The following TDRD9 variants were observed in gnomAD, a reference collection of about 807,000 sequenced individuals.
The protein encoded by TDRD9 is ATP-dependent RNA helicase TDRD9.
In TDRD9, 124 loss-of-function variants were observed where a neutral mutation model predicts 172.6. The observed-to-expected ratio is 0.72, with a 90% confidence interval of 0.62 to 0.83. TDRD9 has a LOEUF of 0.83. TDRD9 is among the 40% of genes least tolerant of loss of function. The probability of loss-of-function intolerance (pLI) is 0.00; values close to 1 mark genes in which losing one functional copy is unlikely to be tolerated. For missense variants in TDRD9, 1,479 were observed against 1,714.1 expected, an observed-to-expected ratio of 0.86 and a Z score of 2.42; for synonymous variants, 619 against 617.1, an observed-to-expected ratio of 1.00 and a Z score of -0.05.
At chr14:103,978,356 C>T (rs545311817) in intron 7 of TDRD9, among the ~76,000 whole-genome samples, 52 of 152,040 alleles carry the variant, frequency 3.4e-4, no homozygotes, top group African/African-American at 1.1e-3. Context: ...CAAGGTGGGC[C>T]GATCACTTGA....
chr14:104,007,043 A>C (rs1396138310), intron 18 of TDRD9, 117 bp from the exon 19 acceptor site: 1 of 1,175,588 alleles, frequency 8.5e-7, no homozygotes, highest in Non-Finnish European at 1.2e-6. Context: ...AAATTGATTG[A>C]AAAAATTAAA....
chr14:104,018,174 T>A lies in TDRD9; in HGVS notation c.2414T>A (p.Ile805Asn). ...AGACAGTGTGGTCAAGTCAAATCCA[T>A]TGTATTTGATGGTGCAAAGTAAGTA... is the stretch of plus-strand genomic sequence containing the variant. Reference protein sequence around the residue: ...LFRQCGQVKSIVFDGAKAFVE... With the variant: ...LFRQCGQVKSNVFDGAKAFVE... The change falls in exon 23 of 36, where the codon ATT becomes AAT. Residue 805 changes from isoleucine (I) to asparagine (N), a missense_variant. This residue lies in a region of TDRD9 where 1,413 missense variants were observed against 1,649.1 expected (regional missense o/e 0.86). Transcript: ENST00000409874. 6.3e-7 allele frequency: 1 copy of A among 1,593,896 alleles called. No individual in the cohort carries two copies. The highest frequency in any genetic ancestry group is 8.6e-7 in the Non-Finnish European group (1 of 1,164,186).
rs369505037 is a variant in TDRD9 at position 103,991,401 on chromosome 14, C to CT, written c.1180+187dup. ...GCTTTTTATTGTAACCCTTGCATTT[C>CT]TTTTTTTTTTCCTTTTCCTTTTCCT... On this transcript the variant is annotated intron_variant, in intron 9 of 35. Coordinates refer to ENST00000409874, the MANE Select transcript of TDRD9 (RefSeq NM_153046.3). 2.0e-3 allele frequency among the ~76,000 whole-genome samples: 294 copies of CT among 149,228 alleles called. 1 individual carries two copies. The highest frequency in any genetic ancestry group is 5.5e-3 in the East Asian group (28 of 5,098).
chr14:104,020,318 A>T lies in TDRD9; in HGVS notation c.2433-1839A>T, dbSNP rs2034914384. Among the ~76,000 whole-genome samples, 3 of 152,194 alleles carry T rather than the reference A, an allele frequency of 2.0e-5. 1 individual carries two copies. Among genetic ancestry groups the T allele is most frequent in the Admixed American group, 2.0e-4 (3 of 15,286 alleles). On this transcript the variant is annotated intron_variant, in intron 23 of 35. Coordinates refer to ENST00000409874, the MANE Select transcript of TDRD9 (RefSeq NM_153046.3). ...AGCAGAGGTACTGAGATGTGCAGCC[A>T]GTATGGTGCTGTTGGACATGAAAAG...
intron 1 of TDRD9, among the ~76,000 whole-genome samples, chr14:103,947,615 C>T (rs976212515): frequency 1.3e-5 from 2 of 152,180 alleles, no homozygotes; most frequent in Admixed American, 1.3e-4. Context: ...GCATGAGCCA[C>T]CGTGCCTGGC....
At chr14:104,039,483 C>T (rs979463183) in intron 32 of TDRD9, among the ~76,000 whole-genome samples, 2 of 152,278 alleles carry the variant, frequency 1.3e-5, no homozygotes, top group South Asian at 4.1e-4. Flanking sequence ...ACGCCTTAGG[C>T]AAGGGAGTAA....
At chr14:103,966,900 A>G in intron 5 of TDRD9, 69 bp downstream of exon 5, 3 of 1,377,098 alleles carry the variant, frequency 2.2e-6, no homozygotes, top group Non-Finnish European at 2.9e-6. Flanking sequence ...AGTATTGTGA[A>G]CCCTGTCTTT....
Position 104,035,005 on chromosome 14 carries a change from C to T in TDRD9, c.3665C>T (p.Pro1222Leu). The change falls in exon 32 of 36, where the codon CCT becomes CTT. Residue 1222 changes from proline (P) to leucine (L), a missense_variant. This residue lies in a region of TDRD9 where 1,413 missense variants were observed against 1,649.1 expected (regional missense o/e 0.86). Coordinates refer to ENST00000409874, the MANE Select transcript of TDRD9 (RefSeq NM_153046.3). ...GAAACCTCTCTGATGCCTCATATCC[C>T]TGGCCTCCCGGCTCTCCTCAGCATG... is the stretch of plus-strand genomic sequence containing the variant. ...LRETSLMPHI[P>L]GLPALLSMLF... 1.3e-6 allele frequency: 2 copies of T among 1,551,798 alleles called. No individual in the cohort carries two copies. The highest frequency in any genetic ancestry group is 1.7e-6 in the Non-Finnish European group (2 of 1,146,984).
chr14:103,950,070 C>T (rs1459159397), intron 1 of TDRD9, among the ~76,000 whole-genome samples: 2 of 145,488 alleles, frequency 1.4e-5, no homozygotes, highest in Admixed American at 1.4e-4. Flanking sequence ...TTGATGGGCC[C>T]TGCCCTCTTT....
intron 1 of TDRD9, among the ~76,000 whole-genome samples, chr14:103,935,290 G>A (rs926618833): frequency 2.6e-5 from 4 of 152,234 alleles, no homozygotes; most frequent in Non-Finnish European, 5.9e-5. Flanking sequence ...GTAGCTGAGA[G>A]TGGAGGATGT....
intron 1 of TDRD9, chr14:103,941,575 G>T (rs910152645): frequency 6.5e-7 from 1 of 1,534,860 alleles, no homozygotes; most frequent in Non-Finnish European, 8.7e-7. Context: ...AATCTCTCTC[G>T]CTCCTTTAGG....
chr14:103,967,471 G>A (rs1431679479), intron 5 of TDRD9, among the ~76,000 whole-genome samples: 1 of 151,974 alleles, frequency 6.6e-6, no homozygotes, highest in Non-Finnish European at 1.5e-5. Context: ...GTTGCAGTGA[G>A]CTGAGTTTGT....
chr14:104,029,832 C>T (rs769939111), intron 28 of TDRD9, among the ~76,000 whole-genome samples: 2 of 152,092 alleles, frequency 1.3e-5, no homozygotes, highest in African/African-American at 2.4e-5. Flanking sequence ...GCCTTTCTTG[C>T]GTTGAGATAT....
chr14:103,947,302 T>C (rs2031614657), intron 1 of TDRD9, among the ~76,000 whole-genome samples: 1 of 151,850 alleles, frequency 6.6e-6, no homozygotes, highest in African/African-American at 2.4e-5. Context: ...TTTTTGTTTG[T>C]TTGTTTGTTT....
chr14:104,002,412 G>C (rs1199213047), intron 13 of TDRD9, among the ~76,000 whole-genome samples: 1 of 152,126 alleles, frequency 6.6e-6, no homozygotes, highest in Admixed American at 6.5e-5. Context: ...CCCTGAACTG[G>C]AAGAGGTTTA....
intron 33 of TDRD9, 122 bp downstream of exon 33, chr14:104,040,456 A>G: frequency 9.1e-7 from 1 of 1,095,994 alleles, no homozygotes; most frequent in South Asian, 2.8e-5. Flanking sequence ...GGTCCTGGAG[A>G]TGTGCACGTT....
At chr14:104,049,443 T>G (rs1176492657) in intron 34 of TDRD9, 165 bp from the exon 35 acceptor site, 3 of 520,130 alleles carry the variant, frequency 5.8e-6, no homozygotes, top group Non-Finnish European at 1.0e-5. Flanking sequence ...ATGCCATAGA[T>G]TAAAATATTT....
chr14:103,960,759 C>T (rs78917841), intron 2 of TDRD9, among the ~76,000 whole-genome samples: 2 of 152,094 alleles, frequency 1.3e-5, no homozygotes, highest in African/African-American at 4.8e-5. Context: ...TAGACAGTAC[C>T]GTTAGGACTT....
chr14:104,004,809 C>T lies in TDRD9; in HGVS notation c.1582-465C>T, dbSNP rs117212391. Among the ~76,000 whole-genome samples, 762 of 152,244 alleles carry T rather than the reference C, an allele frequency of 5.0e-3. 5 individuals carry two copies. The highest frequency in any genetic ancestry group is 9.0e-3 in the Non-Finnish European group (610 of 68,014). On this transcript the variant is annotated intron_variant, in intron 14 of 35. Transcript: ENST00000409874. Reference sequence around the variant, plus strand: ...CATCAGGCTACTGTCTAGGGCGTTACCCACATTTTACAGTTTTAATGAGAG... The same window carrying T: ...CATCAGGCTACTGTCTAGGGCGTTATCCACATTTTACAGTTTTAATGAGAG...
Sources: gnomAD v4.1 joint callset for allele counts (sites outside exome capture counted in the v4.1 genomes callset) on GRCh38, gnomAD v4.1.1 for gene constraint, gnomAD v4.1.1 regional missense constraint, MANE v1.5 for transcripts, NCBI Gene and HGNC (gene_info 2026-07-23, HGNC 2026-07-21) for gene names.